Variants in TLN2 observed in about 807,000 individuals in gnomAD.
The protein encoded by TLN2 is talin 2.
A neutral mutation model predicts 294.7 loss-of-function variants in TLN2; 118 were observed. That is an observed-to-expected ratio of 0.40 (90% CI 0.34 to 0.47). The LOEUF (loss-of-function observed/expected upper bound fraction) is 0.47, where lower values mean the gene tolerates loss of function less well. Among genes scored for constraint, TLN2 ranks in the 20% least tolerant of loss-of-function variants. The probability of loss-of-function intolerance (pLI) is 0.84; values close to 1 mark genes in which losing one functional copy is unlikely to be tolerated. For synonymous variants in TLN2, 1,431 were observed against 1,304.5 expected, an observed-to-expected ratio of 1.10 and a Z score of -2.09; for missense variants, 3,083 against 3,282.2, an observed-to-expected ratio of 0.94 and a Z score of 1.48.
intron 50 of TLN2, among the ~76,000 whole-genome samples, chr15:62,802,558 A>G (rs2066005492): frequency 6.6e-6 from 1 of 152,234 alleles, no homozygotes; most frequent in Admixed American, 6.5e-5. Context: ...TATCTCTTTA[A>G]TAAACTGATA....
intron 45 of TLN2, among the ~76,000 whole-genome samples, chr15:62,792,425 C>T (rs1239558473): frequency 6.6e-6 from 1 of 152,222 alleles, no homozygotes; most frequent in Non-Finnish European, 1.5e-5. Flanking sequence ...CCTCAAGATA[C>T]AGCCTTGCTA....
At chr15:62,627,196 C>A (rs2140876526) in intron 3 of TLN2, among the ~76,000 whole-genome samples, 1 of 152,244 alleles carries the variant, frequency 6.6e-6, no homozygotes, top group South Asian at 2.1e-4. Flanking sequence ...TGTTTCTTGG[C>A]AAAAGAGAAT....
At chr15:62,411,987 C>T (rs555127485) in intron 1 of TLN2, among the ~76,000 whole-genome samples, 1 of 152,260 alleles carries the variant, frequency 6.6e-6, no homozygotes, top group African/African-American at 2.4e-5. Context: ...TAAATTTACA[C>T]AGCTCGCTGG....
chr15:62,432,071 G>C (rs75704599), intron 1 of TLN2, among the ~76,000 whole-genome samples: 1 of 152,114 alleles, frequency 6.6e-6, no homozygotes, highest in Non-Finnish European at 1.5e-5. Context: ...GCCTCGTCCT[G>C]GTGTAATAGC....
intron 1 of TLN2, among the ~76,000 whole-genome samples, chr15:62,538,596 C>A (rs1245792086): frequency 6.6e-6 from 1 of 152,134 alleles, no homozygotes; most frequent in Non-Finnish European, 1.5e-5. Flanking sequence ...AAACATCCTT[C>A]CTCCTTGGTT....
intron 1 of TLN2, among the ~76,000 whole-genome samples, chr15:62,481,851 C>G (rs1282512774): frequency 7.1e-6 from 1 of 140,120 alleles, no homozygotes; most frequent in African/African-American, 2.7e-5. Flanking sequence ...GGCTGGAGTG[C>G]AATGGCGTGA....
At chr15:62,799,545 A>C (rs2065779504) in intron 48 of TLN2, among the ~76,000 whole-genome samples, 1 of 152,242 alleles carries the variant, frequency 6.6e-6, no homozygotes, top group African/African-American at 2.4e-5. Flanking sequence ...ACGTACCTGC[A>C]TCTTCATTCC....
At chr15:62,441,703 T>C (rs1396559430) in intron 1 of TLN2, among the ~76,000 whole-genome samples, 3 of 152,166 alleles carry the variant, frequency 2.0e-5, no homozygotes, top group African/African-American at 7.2e-5. Flanking sequence ...GATTGCCCAC[T>C]TCAGATGCCA....
intron 9 of TLN2, among the ~76,000 whole-genome samples, chr15:62,664,854 T>A: frequency 1.4e-3 from 2 of 1,416 alleles, no homozygotes; most frequent in Admixed American, 0.02. Context: ...AGGGAAACTG[T>A]CTCAAAAAAA....
At chr15:62,727,046 C>A (rs755114472) in intron 27 of TLN2, 41 bp from the exon 28 acceptor site, 51 of 1,600,276 alleles carry the variant, frequency 3.2e-5, no homozygotes, top group Non-Finnish European at 4.1e-5. Context: ...GCAGATGTTC[C>A]TTTTCTTCTA....
chr15:62,641,174 T>C (rs2051044863), intron 3 of TLN2, among the ~76,000 whole-genome samples: 1 of 152,148 alleles, frequency 6.6e-6, no homozygotes, highest in African/African-American at 2.4e-5. Context: ...GTTGTACCTG[T>C]CTTTGCCCCC....
chr15:62,840,758 G>A lies in TLN2; in HGVS notation c.*148G>A. 1.8e-6 allele frequency: 2 copies of A among 1,140,934 alleles called. No individual in the cohort carries two copies. Among genetic ancestry groups the A allele is most frequent in the East Asian group, 2.6e-5 (1 of 38,362 alleles). 70.7% of individuals were successfully genotyped at this position (1,140,934 alleles called of 1,614,324 possible). A position where few individuals can be genotyped will look rare whatever the true frequency, so the allele number is the denominator to read the frequency against. On this transcript the variant is annotated 3_prime_UTR_variant, in exon 59 of 59. Transcript: ENST00000636159. ...CCTGCGTGCTTGTTCTCACATCTCT[G>A]TCCCGTCGGCACTGGCTGCATGATC...
At position 62,663,645 on chromosome 15, in the gene TLN2, T is replaced by C. The variant is rs1446399446; in HGVS notation, c.788+5747T>C. 2.7e-5 allele frequency among the ~76,000 whole-genome samples: 4 copies of C among 150,798 alleles called. No homozygotes were observed. In the East Asian group the frequency reaches 7.7e-4, roughly 29 times the overall value. On this transcript the variant is annotated intron_variant, in intron 9 of 58. Coordinates refer to ENST00000636159, the MANE Select transcript of TLN2 (RefSeq NM_015059.3). Reference sequence around the variant, plus strand: ...CCCATACAAATCAAAAAAGAGGAAATATAATTGAAAAAAGGGAGTTACCTT... The same window carrying C: ...CCCATACAAATCAAAAAAGAGGAAACATAATTGAAAAAAGGGAGTTACCTT...
chr15:62,642,770 T>C (rs936403651), intron 3 of TLN2, among the ~76,000 whole-genome samples: 36 of 151,516 alleles, frequency 2.4e-4, no homozygotes, highest in African/African-American at 8.7e-4. Flanking sequence ...CAATCTCTGC[T>C]CATTGCGGGT....
rs138710592 is a variant in TLN2, at chr15:62,513,407, G to A, written c.-237-76280G>A. On this transcript the variant is annotated intron_variant, in intron 1 of 58. Coordinates refer to ENST00000636159, the MANE Select transcript of TLN2 (RefSeq NM_015059.3). ...CTTTCCTGCTCAGCATCTGTGATGC[G>A]TTGTCTCTTCCTAGTGCTGGTGTCC... Among the ~76,000 whole-genome samples the A allele has an allele frequency of 5.9e-5, 9 of 152,310 alleles. No homozygotes were observed. In the East Asian group the frequency reaches 1.2e-3, roughly 20 times the overall value.
At chr15:62,531,098 G>C (rs1180724537) in intron 1 of TLN2, among the ~76,000 whole-genome samples, 2 of 152,130 alleles carry the variant, frequency 1.3e-5, no homozygotes, top group Non-Finnish European at 1.5e-5. Context: ...CAAAAGATTT[G>C]AAGTCAGTTT....
At chr15:62,795,982 G>A in intron 46 of TLN2, 145 bp from the exon 47 acceptor site, 1 of 1,064,736 alleles carries the variant, frequency 9.4e-7, no homozygotes, top group Non-Finnish European at 1.3e-6. Context: ...CTGGTATCCA[G>A]ACTGAGGCCG....
intron 1 of TLN2, among the ~76,000 whole-genome samples, chr15:62,401,051 A>G (rs1317990127): frequency 5.9e-5 from 9 of 152,032 alleles, no homozygotes; most frequent in African/African-American, 1.9e-4. Flanking sequence ...CCTGAGCTCA[A>G]GTGATCTGCC....
intron 1 of TLN2, among the ~76,000 whole-genome samples, chr15:62,567,664 G>T (rs753209264): frequency 1.2e-4 from 18 of 152,084 alleles, no homozygotes; most frequent in Non-Finnish European, 1.5e-5. Context: ...GCAAAACCCC[G>T]TGTCTACTAA....
Sources: allele counts gnomAD v4.1 joint callset (sites outside exome capture counted in the v4.1 genomes callset), GRCh38; gene constraint gnomAD v4.1.1; transcripts MANE v1.5; gene names NCBI Gene and HGNC (gene_info 2026-07-23, HGNC 2026-07-21).